Variants in RBFOX1 observed in about 807,000 individuals in gnomAD.
The protein encoded by RBFOX1 is RNA binding fox-1 homolog 1.
RBFOX1 carries 8 observed loss-of-function variants against 57.7 expected under a neutral mutation model. That is an observed-to-expected ratio of 0.14 (90% CI 0.08 to 0.25). The LOEUF (loss-of-function observed/expected upper bound fraction) is 0.25, where lower values mean the gene tolerates loss of function less well. RBFOX1 is among the 10% of genes least tolerant of loss of function. RBFOX1 has a pLI of 1.00. For synonymous variants in RBFOX1, 326 were observed against 222.4 expected (o/e 1.47, Z -4.15); for missense variants, 611 against 548.5 (o/e 1.11, Z -1.14).
chr16:6,945,977 T>G (rs961784732), intron 3 of RBFOX1, among the ~76,000 whole-genome samples: 1 of 152,194 alleles, frequency 6.6e-6, no homozygotes, highest in South Asian at 2.1e-4. Context: ...TTTCCACAAG[T>G]GTCTTTTGGC....
chr16:7,454,548 C>T (rs1408840170), intron 4 of RBFOX1, among the ~76,000 whole-genome samples: 3 of 152,158 alleles, frequency 2.0e-5, no homozygotes, highest in South Asian at 4.1e-4. Context: ...AAAGTGTAAA[C>T]TGAAGCCACC....
intron 3 of RBFOX1, among the ~76,000 whole-genome samples, chr16:5,739,395 C>A (rs534652999): frequency 4.6e-5 from 7 of 152,272 alleles, no homozygotes; most frequent in African/African-American, 1.4e-4. Flanking sequence ...AGAATCTGTG[C>A]CATTGTGGCA....
intron 1 of RBFOX1, among the ~76,000 whole-genome samples, chr16:5,316,899 G>T (rs937914534): frequency 6.6e-6 from 1 of 152,108 alleles, no homozygotes; most frequent in Non-Finnish European, 1.5e-5. Flanking sequence ...GGTGGGCAGA[G>T]TCCAATTGGC....
At chr16:5,313,877 T>C (rs1348997148) in intron 1 of RBFOX1, among the ~76,000 whole-genome samples, 3 of 144,702 alleles carry the variant, frequency 2.1e-5, no homozygotes, top group South Asian at 2.5e-4. Flanking sequence ...CAAAGACTTA[T>C]GGGTGGGCTT....
At chr16:5,654,936 C>G (rs2049376318) in intron 3 of RBFOX1, among the ~76,000 whole-genome samples, 1 of 152,080 alleles carries the variant, frequency 6.6e-6, no homozygotes, top group Non-Finnish European at 1.5e-5. Flanking sequence ...TTTCAGCATC[C>G]AGGACAGCTC....
At chr16:5,365,617 C>T (rs750730372) in intron 1 of RBFOX1, among the ~76,000 whole-genome samples, 4 of 152,022 alleles carry the variant, frequency 2.6e-5, no homozygotes, top group African/African-American at 4.8e-5. Context: ...TGCAGTGAGC[C>T]GATATCGTGC....
intron 3 of RBFOX1, among the ~76,000 whole-genome samples, chr16:5,740,298 T>C (rs1414371521): frequency 1.3e-5 from 2 of 152,090 alleles, no homozygotes; most frequent in African/African-American, 4.8e-5. Context: ...CCAAACACTG[T>C]GTGATTGCCT....
intron 4 of RBFOX1, among the ~76,000 whole-genome samples, chr16:7,267,569 G>A (rs2095195195): frequency 6.7e-6 from 1 of 149,454 alleles, no homozygotes. Context: ...AAAATAAAAT[G>A]GGAAGCCGAG....
chr16:7,534,910 G>A (rs185797093), intron 5 of RBFOX1, among the ~76,000 whole-genome samples: 27 of 152,142 alleles, frequency 1.8e-4, no homozygotes, highest in Non-Finnish European at 2.8e-4. Context: ...AATGTCAAGC[G>A]CTGCAGGCTT....
At chr16:6,538,351 G>A (rs1399436277) in intron 2 of RBFOX1, among the ~76,000 whole-genome samples, 2 of 152,138 alleles carry the variant, frequency 1.3e-5, no homozygotes, top group African/African-American at 2.4e-5. Flanking sequence ...AATTAGCTGA[G>A]TGTGGTGGCA....
In RBFOX1 at chr16:6,844,078, C is replaced by T. The variant is rs193187649; in HGVS notation, c.-16+189428C>T. 1.9e-3 allele frequency among the ~76,000 whole-genome samples: 294 copies of T among 152,168 alleles called. 1 individual carries two copies. The highest frequency in any genetic ancestry group is 0.01 in the Middle Eastern group (3 of 294). The stretch of plus-strand genomic sequence containing the variant: ...TTCTCTGTCTCTCTCTCCCCACCCC[C>T]AAATCCCTCTCTGTCTCTAAGCCAC... On this transcript the variant is annotated intron_variant, in intron 3 of 15. Transcript: ENST00000550418.
intron 4 of RBFOX1, among the ~76,000 whole-genome samples, chr16:7,054,519 G>A (rs115874165): frequency 0.025 from 3,311 of 134,050 alleles, 121 homozygotes; most frequent in African/African-American, 0.078. Flanking sequence ...GGGATTACAG[G>A]TGTGAGCCAC....
At chr16:6,979,690 G>A (rs2088134738) in intron 3 of RBFOX1, among the ~76,000 whole-genome samples, 1 of 152,180 alleles carries the variant, frequency 6.6e-6, no homozygotes, top group Non-Finnish European at 1.5e-5. Flanking sequence ...AAATAAACAT[G>A]TGAGGCGTTA....
chr16:7,138,796 C>G (rs1251081017), intron 4 of RBFOX1, among the ~76,000 whole-genome samples: 1 of 152,138 alleles, frequency 6.6e-6, no homozygotes, highest in Non-Finnish European at 1.5e-5. Context: ...TTGGAGAGCT[C>G]TGCTGCTGGA....
rs958952977 is a variant in RBFOX1 at position 6,516,118 on chromosome 16, G to A, written c.-63-138485G>A. ...ATCTTGGCTCACTGTAACTTCCGCC[G>A]CCCAGGTTCAAGCAGTTCTTCTGCT... On this transcript the variant is annotated intron_variant, in intron 2 of 15. Transcript: ENST00000550418. Among the ~76,000 whole-genome samples the A allele has an allele frequency of 9.9e-5, 15 of 152,092 alleles. 1 individual carries two copies. Among genetic ancestry groups the A allele is most frequent in the South Asian group, 8.3e-4 (4 of 4,812 alleles).
chr16:5,367,514 C>G (rs1176912241), intron 1 of RBFOX1, among the ~76,000 whole-genome samples: 1 of 152,138 alleles, frequency 6.6e-6, no homozygotes, highest in African/African-American at 2.4e-5. Context: ...GAAGGAGGAG[C>G]CCAGAGTGGC....
intron 1 of RBFOX1, among the ~76,000 whole-genome samples, chr16:6,120,391 T>A (rs896212133): frequency 4.6e-5 from 7 of 152,316 alleles, no homozygotes; most frequent in African/African-American, 1.7e-4. Flanking sequence ...TACATTTCCA[T>A]CAGCAATGTT....
intron 3 of RBFOX1, among the ~76,000 whole-genome samples, chr16:7,045,601 A>G (rs563138984): frequency 3.7e-4 from 57 of 152,006 alleles, no homozygotes; most frequent in African/African-American, 1.3e-3. Context: ...AGTCTGGCAA[A>G]TCCTTGTGAT....
At chr16:7,607,129 G>A (rs1288082483) in intron 9 of RBFOX1, among the ~76,000 whole-genome samples, 156 bp from the exon 10 acceptor site, 1 of 152,022 alleles carries the variant, frequency 6.6e-6, no homozygotes, top group Admixed American at 6.6e-5. Context: ...CTTATGTGTG[G>A]TTTTTAAGTA....
Sources: gnomAD v4.1 joint callset for allele counts (sites outside exome capture counted in the v4.1 genomes callset) on GRCh38, gnomAD v4.1.1 for gene constraint, MANE v1.5 for transcripts, NCBI Gene and HGNC (gene_info 2026-07-23, HGNC 2026-07-21) for gene names.